The following ANKRD55 variants were observed in gnomAD, a reference collection of about 807,000 sequenced individuals.
The protein encoded by ANKRD55 is ankyrin repeat domain-containing protein 55.
Under a neutral mutation model 60.6 loss-of-function variants are expected in ANKRD55, and 41 were observed. That is an observed-to-expected ratio of 0.68 (90% CI 0.53 to 0.88). ANKRD55 has a LOEUF of 0.88. Among genes scored for constraint, ANKRD55 ranks in the 40% least tolerant of loss-of-function variants. ANKRD55 has a pLI of 0.00. For synonymous variants in ANKRD55, 264 were observed against 290.3 expected (o/e 0.91, Z 0.92); for missense variants, 732 against 767.6 (o/e 0.95, Z 0.55).
chr5:56,183,828 C>G (rs1332204498), intron 2 of ANKRD55, among the ~76,000 whole-genome samples, 194 bp from the exon 3 acceptor site: 1 of 152,170 alleles, frequency 6.6e-6, no homozygotes, highest in Non-Finnish European at 1.5e-5. Context: ...CCATTTGTAA[C>G]ACCGCCGTGT....
chr5:56,199,564 T>C (rs1430455597), intron 2 of ANKRD55, among the ~76,000 whole-genome samples: 1 of 148,676 alleles, frequency 6.7e-6, no homozygotes, highest in Non-Finnish European at 1.5e-5. Flanking sequence ...ATGCATAAGA[T>C]AAATTACCAT....
rs780505029 is a variant in ANKRD55, at chr5:56,143,845, G to A, written c.568C>T (p.Leu190Phe). Residue 190 changes from leucine to phenylalanine, a missense_variant, in exon 7 of 12, where the codon CTT becomes TTT. Leu to Phe is a conservative substitution (Grantham distance 22). This residue lies in a region of ANKRD55 where 597 missense variants were observed against 607.5 expected (regional missense o/e 0.98). Coordinates refer to ENST00000341048, the MANE Select transcript of ANKRD55 (RefSeq NM_024669.3). ...GCGGTTTTAAAGTCTTTATCCACAA[G>A]GGTGGGGTCTGCCCCCTTCTTCAGC... Reference protein sequence around the residue: ...MLLKKGADPTLVDKDFKTALH... With the variant: ...MLLKKGADPTFVDKDFKTALH... 37 of 1,614,056 alleles carry A rather than the reference G, an allele frequency of 2.3e-5. No homozygotes were observed. The highest frequency in any genetic ancestry group is 2.7e-5 in the Non-Finnish European group (32 of 1,180,030).
intron 2 of ANKRD55, among the ~76,000 whole-genome samples, chr5:56,194,434 C>T (rs1561287885): frequency 1.3e-5 from 2 of 152,082 alleles, no homozygotes; most frequent in East Asian, 3.9e-4. Context: ...CCCCCCAACA[C>T]ATATAGTTTT....
chr5:56,120,893 C>A (rs1397397176), intron 8 of ANKRD55, among the ~76,000 whole-genome samples: 1 of 137,518 alleles, frequency 7.3e-6, no homozygotes, highest in African/African-American at 2.8e-5. Context: ...GAGGGAGACT[C>A]CGTCTCAAAA....
intron 7 of ANKRD55, among the ~76,000 whole-genome samples, chr5:56,128,476 C>T (rs1292028644): frequency 6.6e-6 from 1 of 152,156 alleles, no homozygotes; most frequent in Non-Finnish European, 1.5e-5. Context: ...CTGTTGACAG[C>T]CTCTCTGGAT....
chr5:56,165,002 G>A (rs945080909), intron 5 of ANKRD55, among the ~76,000 whole-genome samples: 5 of 152,190 alleles, frequency 3.3e-5, no homozygotes, highest in Non-Finnish European at 7.3e-5. Flanking sequence ...TCCCTCTGGA[G>A]GCAAAGGACT....
rs369374579 is a variant in ANKRD55 at position 56,201,480 on chromosome 5, A to G, written c.59-17846T>C. On this transcript the variant is annotated intron_variant, in intron 2 of 11. Coordinates refer to ENST00000341048, the MANE Select transcript of ANKRD55 (RefSeq NM_024669.3). ...ATATCAGGTGACACAAAGCATACAT[A>G]TAGAAAAATGGTAAGAGCACAAGCT... Among the ~76,000 whole-genome samples the G allele has an allele frequency of 2.6e-5, 4 of 152,360 alleles. No individual in the cohort carries two copies. The East Asian group carries it at 7.7e-4, about 29-fold the overall frequency.
At chr5:56,126,807 T>C in intron 8 of ANKRD55, 115 bp downstream of exon 8, 3 of 1,142,646 alleles carry the variant, frequency 2.6e-6, no homozygotes, top group Non-Finnish European at 3.6e-6. Flanking sequence ...CCATGTGTAT[T>C]ACTGGCAATA....
rs559166985 is a variant in ANKRD55 at position 56,108,007 on chromosome 5, C to T, written c.1630+3111G>A. Among the ~76,000 whole-genome samples the T allele has an allele frequency of 9.2e-5, 14 of 151,946 alleles. No homozygotes were observed. The South Asian group carries it at 2.7e-3, about 29-fold the overall frequency. On this transcript the variant is annotated intron_variant, in intron 10 of 11. Coordinates refer to ENST00000341048, the MANE Select transcript of ANKRD55 (RefSeq NM_024669.3). ...GTCTCAGCCCCCCAAGTAGCTGAGA[C>T]CACAGGCAAGTACCACTACTCCTGG... is the stretch of plus-strand genomic sequence containing the variant.
chr5:56,170,409 A>G (rs1489550100), intron 5 of ANKRD55, among the ~76,000 whole-genome samples: 1 of 152,174 alleles, frequency 6.6e-6, no homozygotes, highest in Non-Finnish European at 1.5e-5. Context: ...TTGAATGCAT[A>G]ATTGACTGAC....
At chr5:56,139,643 A>G (rs1757700986) in intron 7 of ANKRD55, among the ~76,000 whole-genome samples, 1 of 152,250 alleles carries the variant, frequency 6.6e-6, no homozygotes. Flanking sequence ...CAGTGTGATT[A>G]GAGCCAAGAT....
At chr5:56,218,693 C>G (rs375865951) in intron 2 of ANKRD55, among the ~76,000 whole-genome samples, 166 of 152,242 alleles carry the variant, frequency 1.1e-3, no homozygotes, top group Admixed American at 3.2e-3. Flanking sequence ...GGTCTGGAAA[C>G]AAACCCACTG....
chr5:56,182,853 G>T (rs926497882), intron 3 of ANKRD55, among the ~76,000 whole-genome samples: 6 of 152,212 alleles, frequency 3.9e-5, no homozygotes, highest in Middle Eastern at 3.2e-3. Context: ...GTGGTGTTTG[G>T]CTGGAGTAGG....
chr5:56,196,417 A>G (rs1178074055), intron 2 of ANKRD55, among the ~76,000 whole-genome samples: 2 of 152,232 alleles, frequency 1.3e-5, no homozygotes, highest in African/African-American at 4.8e-5. Flanking sequence ...GTATTTATCG[A>G]GTGCCTACTG....
intron 2 of ANKRD55, among the ~76,000 whole-genome samples, chr5:56,231,951 T>C (rs1026335123): frequency 4.6e-5 from 7 of 152,154 alleles, no homozygotes; most frequent in Non-Finnish European, 1.5e-5. Context: ...CCATTTCATG[T>C]TGTAGCCAAA....
intron 2 of ANKRD55, among the ~76,000 whole-genome samples, chr5:56,203,821 C>T (rs1759436216): frequency 1.3e-5 from 2 of 152,118 alleles, no homozygotes; most frequent in Non-Finnish European, 2.9e-5. Flanking sequence ...TTTATAGCAG[C>T]ATGATTTATA....
At chr5:56,174,830 C>CAAA (rs59849503) in intron 4 of ANKRD55, among the ~76,000 whole-genome samples, 6 of 65,924 alleles carry the variant, frequency 9.1e-5, no homozygotes, top group African/African-American at 1.8e-4. Flanking sequence ...GACTCTGTCT[C>CAAA]AAAAAAAAAA....
chr5:56,111,083 C>T, intron 10 of ANKRD55, 35 bp downstream of exon 10: 1 of 1,589,958 alleles, frequency 6.3e-7, no homozygotes, highest in Non-Finnish European at 8.6e-7. Context: ...CAGTATAGAG[C>T]CTGCTGAGAA....
At chr5:56,155,406 A>T (rs1353741855) in intron 6 of ANKRD55, among the ~76,000 whole-genome samples, 1 of 152,192 alleles carries the variant, frequency 6.6e-6, no homozygotes, top group African/African-American at 2.4e-5. Context: ...ATTGCTTAAC[A>T]TCAGGTTACT....
Sources: gnomAD v4.1 joint callset for allele counts (sites outside exome capture counted in the v4.1 genomes callset) on GRCh38, gnomAD v4.1.1 for gene constraint, gnomAD v4.1.1 regional missense constraint, MANE v1.5 for transcripts, NCBI Gene and HGNC (gene_info 2026-07-23, HGNC 2026-07-21) for gene names.